DIXDC1: variants seen among roughly 807,000 people sequenced by gnomAD.
The protein encoded by DIXDC1 is dixin.
In DIXDC1, 64 loss-of-function variants were observed where a neutral mutation model predicts 103.1. That is an observed-to-expected ratio of 0.62 (90% confidence interval 0.51 to 0.76). The LOEUF (loss-of-function observed/expected upper bound fraction) is 0.76. Ranked by LOEUF, DIXDC1 falls within the 30% of genes least tolerant of loss-of-function variation. DIXDC1 has a pLI of 0.00. For synonymous variants in DIXDC1, 266 were observed against 298.5 expected (o/e 0.89, Z 1.12); for missense variants, 759 against 834.2 (o/e 0.91, Z 1.11).
chr11:112,017,915 A>G lies in DIXDC1; in HGVS notation c.1971+30A>G, dbSNP rs1382735057. 6.4e-7 allele frequency: 1 copy of G among 1,552,516 alleles called. No homozygotes were observed. Among genetic ancestry groups the G allele is most frequent in the African/African-American group, 1.4e-5 (1 of 73,754 alleles). On this transcript the variant is annotated intron_variant, in intron 19 of 19. Coordinates refer to ENST00000440460, the MANE Select transcript of DIXDC1 (RefSeq NM_001037954.4). The surrounding 1 kb of genome is among the most constrained non-coding windows in gnomAD (Gnocchi z 4.0). ...AGAATCTGTGGGGAGTCTGTATGGT[A>G]TTATTGGTCCTTTCTGAACCCTGAA...
chr11:111,937,632 C>G, intron 1 of DIXDC1, 73 bp downstream of exon 1: 1 of 1,384,210 alleles, frequency 7.2e-7, no homozygotes, highest in Non-Finnish European at 1.0e-6. Flanking sequence ...GGAAGGGGTC[C>G]TCCTCCTCCT....
intron 5 of DIXDC1, chr11:111,975,715 C>T: frequency 1.0e-6 from 1 of 985,522 alleles, no homozygotes; most frequent in Non-Finnish European, 1.2e-6. Context: ...TCTTTCCTAT[C>T]CCAACCCTGT....
At chr11:111,928,261 T>G (rs970380773) in intron 1 of DIXDC1, 1 of 151,994 alleles carries the variant, frequency 6.6e-6, no homozygotes, top group Non-Finnish European at 1.5e-5. Flanking sequence ...ATATATTAAA[T>G]GAAGGTGGCC....
rs1861619601 is a variant in DIXDC1, at chr11:112,017,214, C to CA, written c.1862+423dup. Among the ~76,000 whole-genome samples the CA allele has an allele frequency of 6.6e-6, 1 of 152,050 alleles. No individual in the cohort carries two copies. The highest frequency in any genetic ancestry group is 1.9e-4 in the East Asian group (1 of 5,168). On this transcript the variant is annotated intron_variant, in intron 18 of 19. Coordinates refer to ENST00000440460, the MANE Select transcript of DIXDC1 (RefSeq NM_001037954.4). The surrounding 1 kb of genome is among the most constrained non-coding windows in gnomAD (Gnocchi z 4.0). ...GCTAATCCCTATTGAGAAATTATGT[C>CA]AAAAACCTTCCAGAAAGTTAATGTG...
chr11:111,956,386 A>T (rs1394176336), intron 1 of DIXDC1, among the ~76,000 whole-genome samples: 38 of 152,202 alleles, frequency 2.5e-4, no homozygotes, highest in Non-Finnish European at 1.5e-4. Flanking sequence ...TCACAATTTT[A>T]AAAAAATGAC....
At position 111,974,212 on chromosome 11, in the gene DIXDC1, A is replaced by T; in HGVS notation, c.506A>T (p.Asp169Val). The T allele has an allele frequency of 6.2e-7, 1 of 1,613,924 alleles. No individual in the cohort carries two copies. The highest frequency in any genetic ancestry group is 8.5e-7 in the Non-Finnish European group (1 of 1,179,872). ...GCTGCTCTGGCCGATGTGTGTCATG[A>T]CATGTCCCGATCAGGACGGGATGTC... is the stretch of plus-strand genomic sequence containing the variant. ...AAAALADVCH[D>V]MSRSGRDVFR... is the part of the protein sequence containing the mutation. The change falls in exon 4 of 20, where the codon GAC becomes GTC. Residue 169 changes from aspartate (D) to valine (V), a missense_variant. Transcript: ENST00000440460.
chr11:111,956,692 G>A (rs1004036891), intron 1 of DIXDC1, among the ~76,000 whole-genome samples: 2 of 152,044 alleles, frequency 1.3e-5, no homozygotes, highest in African/African-American at 2.4e-5. Flanking sequence ...GTTTCACCAC[G>A]TTGGCCAGGC....
At chr11:112,007,880 T>G (rs1375873968) in intron 17 of DIXDC1, among the ~76,000 whole-genome samples, 1 of 148,600 alleles carries the variant, frequency 6.7e-6, no homozygotes, top group African/African-American at 2.6e-5. Context: ...CCATCGATGC[T>G]ATGATGAAAC....
chr11:112,016,853 C>A, intron 18 of DIXDC1, 57 bp downstream of exon 18: 1 of 1,421,788 alleles, frequency 7.0e-7, no homozygotes, highest in East Asian at 2.5e-5. Context: ...GGCAGAACCT[C>A]ATTAGTTACT....
intron 1 of DIXDC1, among the ~76,000 whole-genome samples, chr11:111,928,670 G>A (rs1965915933): frequency 6.6e-6 from 1 of 152,168 alleles, no homozygotes; most frequent in Non-Finnish European, 1.5e-5. Flanking sequence ...GGCTGAGGCA[G>A]GAGAATCGCT....
At chr11:111,978,312 TA>T (rs1345088232) in intron 5 of DIXDC1, among the ~76,000 whole-genome samples, 2 of 152,172 alleles carry the variant, frequency 1.3e-5, no homozygotes, top group African/African-American at 4.8e-5. Context: ...AGCATTAAAA[TA>T]TTTTTTTCTG....
intron 2 of DIXDC1, 85 bp from the exon 3 acceptor site, chr11:111,968,428 A>T: frequency 6.9e-7 from 1 of 1,441,182 alleles, no homozygotes; most frequent in Non-Finnish European, 9.5e-7. Flanking sequence ...TTCACATCAA[A>T]TCTTCCCTTC....
chr11:111,982,525 A>G lies in DIXDC1; in HGVS notation c.918+38A>G, dbSNP rs782482047. The G allele has an allele frequency of 3.6e-5, 58 of 1,598,488 alleles. No homozygotes were observed. In the Admixed American group the frequency reaches 9.9e-4, roughly 27 times the overall value. On this transcript the variant is annotated intron_variant, in intron 7 of 19. Transcript: ENST00000440460. The stretch of plus-strand genomic sequence containing the variant: ...CTTGTAGTTTGCCCTTGTTATACCA[A>G]TTGATTATTAAGTCAGTATTATCAA...
upstream of DIXDC1, among the ~76,000 whole-genome samples, chr11:111,936,930 T>C (rs1966206622): frequency 2.0e-5 from 3 of 151,048 alleles, no homozygotes; most frequent in South Asian, 2.1e-4. Flanking sequence ...GGTGTGTGTG[T>C]GCGCGCGCGC....
At chr11:111,951,499 A>G (rs1442043961) in intron 1 of DIXDC1, among the ~76,000 whole-genome samples, 4 of 152,240 alleles carry the variant, frequency 2.6e-5, no homozygotes, top group Non-Finnish European at 4.4e-5. Flanking sequence ...TCTAAACATT[A>G]TAGAGATGGT....
intron 10 of DIXDC1, among the ~76,000 whole-genome samples, chr11:111,990,452 T>A (rs1486419322): frequency 3.9e-5 from 6 of 152,092 alleles, no homozygotes; most frequent in African/African-American, 1.4e-4. Context: ...CCCCACGGTT[T>A]TACCCAAATG....
At chr11:111,966,404 T>A (rs1362274020) in intron 2 of DIXDC1, among the ~76,000 whole-genome samples, 1 of 134,590 alleles carries the variant, frequency 7.4e-6, no homozygotes, top group African/African-American at 3.1e-5. Flanking sequence ...TGTATTTTTT[T>A]TTTTTTTTTT....
rs1860025390 is a variant in DIXDC1, at chr11:111,974,201, T to C, written c.495T>C (p.Asp165=). The change falls in exon 4 of 20, where the codon GAT becomes GAC. Residue 165 remains aspartate, a synonymous_variant. Transcript: ENST00000440460. ...VAQGAAAALA[D]VCHDMSRSGR... ...AGGGAGCAGCTGCTGCTCTGGCCGATGTGTGTCATGACATGTCCCGATCAG... is the reference window on the plus strand; with the variant it reads ...AGGGAGCAGCTGCTGCTCTGGCCGACGTGTGTCATGACATGTCCCGATCAG... 1.2e-6 allele frequency: 2 copies of C among 1,613,930 alleles called. No individual in the cohort carries two copies. The highest frequency in any genetic ancestry group is 2.2e-5 in the East Asian group (1 of 44,878).
intron 1 of DIXDC1, among the ~76,000 whole-genome samples, chr11:111,961,229 G>A (rs1859567495): frequency 6.6e-6 from 1 of 152,198 alleles, no homozygotes; most frequent in African/African-American, 2.4e-5. Context: ...TTCATGGATT[G>A]GATGTGGTGG....
Sources: gnomAD v4.1 joint callset for allele counts (sites outside exome capture counted in the v4.1 genomes callset) on GRCh38, gnomAD v4.1.1 for gene constraint, Gnocchi (gnomAD v3.1) non-coding constraint, MANE v1.5 for transcripts, NCBI Gene and HGNC (gene_info 2026-07-23, HGNC 2026-07-21) for gene names.